The following NRIP3 variants were observed in gnomAD, a reference collection of about 807,000 sequenced individuals.
The protein encoded by NRIP3 is nuclear receptor interacting protein 3, also known as nuclear receptor-interacting protein 3.
A neutral mutation model predicts 29.0 loss-of-function variants in NRIP3; 31 were observed. That is an observed-to-expected ratio of 1.07 (90% CI 0.80 to 1.44). NRIP3 has a LOEUF of 1.44. Ranked by LOEUF, NRIP3 falls within the 40% of genes most tolerant of loss-of-function variation. NRIP3 has a pLI of 0.00. For missense variants in NRIP3, 314 were observed against 297.9 expected (o/e 1.05, Z -0.40); for synonymous variants, 131 against 118.3 (o/e 1.11, Z -0.70).
chr11:9,001,388 C>T (rs1256726411), intron 1 of NRIP3, among the ~76,000 whole-genome samples: 1 of 152,106 alleles, frequency 6.6e-6, no homozygotes, highest in Non-Finnish European at 1.5e-5. Flanking sequence ...GAAATCCCAG[C>T]GGTATATTCA....
rs1854716966 is a variant in NRIP3, at chr11:8,996,884, C to G, written c.174+6878G>C. Among the ~76,000 whole-genome samples, 5 of 152,020 alleles carry G rather than the reference C, an allele frequency of 3.3e-5. No homozygotes were observed. In the South Asian group the frequency reaches 1.0e-3, roughly 32 times the overall value. On this transcript the variant is annotated intron_variant, in intron 1 of 6. Coordinates refer to ENST00000309166, the MANE Select transcript of NRIP3 (RefSeq NM_020645.3). ...CTAGCAACACAGTGAAATTGTGTCT[C>G]TACAAAAACAATTTTTTTTAATTAA...
chr11:9,002,596 T>TAAAAAAAA (rs10701323), intron 1 of NRIP3, among the ~76,000 whole-genome samples: 23 of 101,174 alleles, frequency 2.3e-4, no homozygotes, highest in East Asian at 3.1e-4. Context: ...GCTGTTAAAT[T>TAAAAAAAA]AAAAAAAAAA....
At position 8,983,181 on chromosome 11, in the gene NRIP3, T is replaced by G; in HGVS notation, c.*364A>C. The G allele has an allele frequency of 2.5e-6, 1 of 405,064 alleles. No individual in the cohort carries two copies. Among genetic ancestry groups the G allele is most frequent in the South Asian group, 2.3e-5 (1 of 43,662 alleles). The allele number at this position is 405,064 out of a possible 1,614,324, so 25.1% of individuals were successfully genotyped here. ...GGTTCCTGTTTATTATACATTTAGC[T>G]ATAGGAAAAGAAGCACATATATCTA... On this transcript the variant is annotated 3_prime_UTR_variant, in exon 7 of 7. Coordinates refer to ENST00000309166, the MANE Select transcript of NRIP3 (RefSeq NM_020645.3).
intron 1 of NRIP3, among the ~76,000 whole-genome samples, chr11:8,995,296 T>A (rs901867056): frequency 1.3e-5 from 2 of 152,238 alleles, no homozygotes; most frequent in Non-Finnish European, 2.9e-5. Context: ...AATTACCACT[T>A]GTCACATATT....
chr11:8,988,202 G>A lies in NRIP3; in HGVS notation c.255C>T (p.Ala85=). The change falls in exon 2 of 7, where the codon GCC becomes GCT. Residue 85 remains alanine, a synonymous_variant. Transcript: ENST00000309166. ...CCTGATTGAGTTTGTTCGTCTTAGAGGCCCAAGGGACACGGGGACCGCTTC... is the reference window on the plus strand; with the variant it reads ...CCTGATTGAGTTTGTTCGTCTTAGAAGCCCAAGGGACACGGGGACCGCTTC... ...KLRSGPRVPW[A]SKTNKLNQAK... 6.2e-7 allele frequency: 1 copy of A among 1,614,126 alleles called. No homozygotes were observed. Among genetic ancestry groups the A allele is most frequent in the South Asian group, 1.1e-5 (1 of 91,076 alleles).
chr11:8,988,685 C>G (rs1314765722), intron 1 of NRIP3, among the ~76,000 whole-genome samples: 4 of 152,204 alleles, frequency 2.6e-5, no homozygotes, highest in African/African-American at 4.8e-5. Flanking sequence ...GACAGCAAAT[C>G]ACTGCCTTAT....
At chr11:9,004,218 A>G, upstream of NRIP3, 1 of 287,102 alleles carries the variant, frequency 3.5e-6, no homozygotes. Context: ...CCGAGAATCC[A>G]CCGCGGCCTT....
At chr11:8,988,391 A>G in intron 1 of NRIP3, 109 bp from the exon 2 acceptor site, 1 of 854,002 alleles carries the variant, frequency 1.2e-6, no homozygotes, top group South Asian at 1.9e-5. Context: ...ACTGAGCTCT[A>G]TCTTTGCTTC....
chr11:9,004,240 GC>G (rs2134937463), upstream of NRIP3: 2 of 230,520 alleles, frequency 8.7e-6, no homozygotes, highest in Non-Finnish European at 1.7e-5. Flanking sequence ...TCACCCAACC[GC>G]CCCCTCCTGC....
chr11:9,003,823 T>C lies in NRIP3; in HGVS notation c.113A>G (p.Lys38Arg). The C allele has an allele frequency of 4.6e-6, 7 of 1,521,176 alleles. No homozygotes were observed. Among genetic ancestry groups the C allele is most frequent in the Non-Finnish European group, 6.2e-6 (7 of 1,135,864 alleles). 94.2% of individuals were successfully genotyped at this position (1,521,176 alleles called of 1,614,324 possible). A position where few individuals can be genotyped will look rare whatever the true frequency, so the allele number is the denominator to read the frequency against. The change falls in exon 1 of 7, where the codon AAG (lysine) becomes AGG (arginine). Residue 38 changes from lysine to arginine, a missense_variant. By Grantham distance (26) the Lys-to-Arg change is conservative. Coordinates refer to ENST00000309166, the MANE Select transcript of NRIP3 (RefSeq NM_020645.3). ...RMKQAVQFIH[K>R]DSADLLPLDG... ...CAGGGGCAGCAGGTCGGCGGAGTCC[T>C]TGTGGATGAACTGCACCGCCTGCTT...
At chr11:8,983,586 G>T in intron 6 of NRIP3, 26 bp from the exon 7 acceptor site, 2 of 1,610,066 alleles carry the variant, frequency 1.2e-6, no homozygotes, top group South Asian at 2.2e-5. Context: ...AATATCAGGA[G>T]AAATAATGCC....
Position 8,980,655 on chromosome 11 carries a change from G to A in NRIP3, c.*2890C>T, listed in dbSNP as rs1854399366. 1 of 152,220 alleles carries A rather than the reference G, an allele frequency of 6.6e-6. No homozygotes were observed. The highest frequency in any genetic ancestry group is 2.1e-4 in the South Asian group (1 of 4,838). 9.4% of individuals were successfully genotyped at this position (152,220 alleles called of 1,614,324 possible). ...CAGCCAGAAACACTGAAAGGATAAA[G>A]TGCCAATGCAGAGAGGCCTGGCAAC... On this transcript the variant is annotated 3_prime_UTR_variant, in exon 7 of 7. Transcript: ENST00000309166.
intron 1 of NRIP3, among the ~76,000 whole-genome samples, chr11:8,996,859 C>G (rs1854716456): frequency 6.9e-6 from 1 of 145,936 alleles, no homozygotes; most frequent in Admixed American, 6.8e-5. Context: ...TGAGACCAAC[C>G]TAGCAACACA....
At chr11:8,985,598 G>A (rs1185562527) in intron 4 of NRIP3, 113 bp downstream of exon 4, 2 of 1,360,696 alleles carry the variant, frequency 1.5e-6, no homozygotes, top group East Asian at 4.8e-5. Flanking sequence ...AAAAAAATGG[G>A]AACCATTTTG....
At chr11:8,999,319 C>T (rs1854759249) in intron 1 of NRIP3, among the ~76,000 whole-genome samples, 1 of 152,228 alleles carries the variant, frequency 6.6e-6, no homozygotes, top group Non-Finnish European at 1.5e-5. Context: ...CTCTCCTTCA[C>T]AGCTTATCAC....
At chr11:8,983,611 T>G (rs772175726) in intron 6 of NRIP3, 51 bp from the exon 7 acceptor site, 2 of 1,586,994 alleles carry the variant, frequency 1.3e-6, no homozygotes, top group African/African-American at 2.7e-5. Context: ...TCAAAAAAAG[T>G]TAAGCTGAAG....
chr11:9,003,968 C>G lies in NRIP3; in HGVS notation c.-33G>C, dbSNP rs773978052. The G allele has an allele frequency of 6.8e-6, 10 of 1,462,974 alleles. No individual in the cohort carries two copies. The South Asian group carries it at 7.8e-5, about 11-fold the overall frequency. The allele number at this position is 1,462,974 out of a possible 1,614,324, so 90.6% of individuals were successfully genotyped here. A position where few individuals can be genotyped will look rare whatever the true frequency, so the allele number is the denominator to read the frequency against. On this transcript the variant is annotated 5_prime_UTR_variant, in exon 1 of 7. Transcript: ENST00000309166. Reference sequence around the variant, plus strand: ...GCGCCGGCGGCCCGGTAGCCCACAGCCCCCCGGCAGCCTCAGCCTCGAGCT... The same window carrying G: ...GCGCCGGCGGCCCGGTAGCCCACAGGCCCCCGGCAGCCTCAGCCTCGAGCT...
intron 1 of NRIP3, among the ~76,000 whole-genome samples, chr11:8,998,839 G>T (rs1018422107): frequency 7.3e-6 from 1 of 137,422 alleles, no homozygotes; most frequent in East Asian, 2.2e-4. Flanking sequence ...TGTCGTCCAG[G>T]CTGGAGTGCA....
In NRIP3 at chr11:8,984,250, TA is replaced by T. The variant is rs531098502; in HGVS notation, c.563-127del. On this transcript the variant is annotated intron_variant, in intron 4 of 6. Coordinates refer to ENST00000309166, the MANE Select transcript of NRIP3 (RefSeq NM_020645.3). ...CAATAAACATATATTGAGCATGTGT[TA>T]TTTTTTTTTTATTTTTTTTTTATTT... is the stretch of plus-strand genomic sequence containing the variant. 1,338 of 393,464 alleles carry T rather than the reference TA, an allele frequency of 3.4e-3. 10 individuals are homozygous for T. In the African/African-American group the frequency reaches 0.035, roughly 10 times the overall value. 24.4% of individuals were successfully genotyped at this position (393,464 alleles called of 1,614,324 possible). A position where few individuals can be genotyped will look rare whatever the true frequency, so the allele number is the denominator to read the frequency against.
Sources: allele counts gnomAD v4.1 joint callset (sites outside exome capture counted in the v4.1 genomes callset), GRCh38; gene constraint gnomAD v4.1.1; transcripts MANE v1.5; gene names NCBI Gene and HGNC (gene_info 2026-07-23, HGNC 2026-07-21).